ATRNL1: variants seen among roughly 807,000 people sequenced by gnomAD.
ATRNL1 encodes attractin-like protein 1.
ATRNL1 carries 95 observed loss-of-function variants against 182.7 expected under a neutral mutation model. The ratio of observed to expected loss-of-function variants is 0.52; its 90% confidence interval spans 0.44 to 0.62. ATRNL1 has a LOEUF of 0.62. ATRNL1 is among the 20% of genes least tolerant of loss of function. The probability of loss-of-function intolerance (pLI) is 0.00; values close to 1 mark genes in which losing one functional copy is unlikely to be tolerated. For missense variants in ATRNL1, 1,471 were observed against 1,679.5 expected, an observed-to-expected ratio of 0.88 and a Z score of 2.17; for synonymous variants, 576 against 568.3, an observed-to-expected ratio of 1.01 and a Z score of -0.19.
chr10:115,925,440 C>T (rs1180057210), intron 28 of ATRNL1, among the ~76,000 whole-genome samples: 1 of 151,988 alleles, frequency 6.6e-6, no homozygotes, highest in Non-Finnish European at 1.5e-5. Flanking sequence ...GGGCTAAATG[C>T]CCCAATTAAA....
At chr10:115,420,342 G>C (rs1298260734) in intron 20 of ATRNL1, among the ~76,000 whole-genome samples, 2 of 151,986 alleles carry the variant, frequency 1.3e-5, no homozygotes, top group African/African-American at 4.8e-5. Context: ...TGGCGGCCTG[G>C]CCTCAAATTT....
rs782699677 is a variant in ATRNL1, at chr10:115,493,394, G to A, written c.3654+24065G>A. Among the ~76,000 whole-genome samples, 24 of 152,110 alleles carry A rather than the reference G, an allele frequency of 1.6e-4. No homozygotes were observed. In the Middle Eastern group the frequency reaches 0.017, roughly 108 times the overall value. On this transcript the variant is annotated intron_variant, in intron 24 of 28. Coordinates refer to ENST00000355044, the MANE Select transcript of ATRNL1 (RefSeq NM_207303.4). The stretch of plus-strand genomic sequence containing the variant: ...TGGTTTTCTGCTCCTGCATTATTTC[G>A]CTTAGGATATTGACCTTCAGCTCCA...
intron 25 of ATRNL1, among the ~76,000 whole-genome samples, chr10:115,532,218 G>A (rs1476392764): frequency 6.6e-6 from 1 of 152,084 alleles, no homozygotes; most frequent in Non-Finnish European, 1.5e-5. Context: ...CTTACCTTGG[G>A]CAGTATGGCC....
chr10:115,829,085 A>T, intron 27 of ATRNL1, among the ~76,000 whole-genome samples: 1 of 152,142 alleles, frequency 6.6e-6, no homozygotes, highest in South Asian at 2.1e-4. Context: ...CCCTCCATAA[A>T]TATCACATGA....
chr10:115,681,830 A>T (rs1555044830), intron 26 of ATRNL1, among the ~76,000 whole-genome samples: 1 of 152,154 alleles, frequency 6.6e-6, no homozygotes. Context: ...TCTTTTTGAG[A>T]ACCACTGCTC....
chr10:115,861,732 T>C (rs1951321236), intron 28 of ATRNL1, among the ~76,000 whole-genome samples: 2 of 152,202 alleles, frequency 1.3e-5, no homozygotes, highest in Admixed American at 1.3e-4. Context: ...TTTTTCCAGA[T>C]ATAAAAATAT....
intron 25 of ATRNL1, among the ~76,000 whole-genome samples, chr10:115,532,440 G>A (rs1183642995): frequency 1.3e-5 from 2 of 152,162 alleles, no homozygotes; most frequent in East Asian, 1.9e-4. Flanking sequence ...TGTTATTAGT[G>A]TATAAGAATG....
At chr10:115,582,587 GGTTT>G (rs1293492210) in intron 26 of ATRNL1, among the ~76,000 whole-genome samples, 1 of 132,106 alleles carries the variant, frequency 7.6e-6, no homozygotes, top group African/African-American at 2.6e-5. Context: ...CTTTTTGATG[GGTTT>G]GTTTGTTTTT....
intron 27 of ATRNL1, among the ~76,000 whole-genome samples, chr10:115,771,888 A>G (rs1949002233): frequency 6.6e-6 from 1 of 152,210 alleles, no homozygotes; most frequent in African/African-American, 2.4e-5. Flanking sequence ...AACAAGAACA[A>G]TCTTGGGGGA....
intron 8 of ATRNL1, among the ~76,000 whole-genome samples, chr10:115,188,255 A>T (rs533218679): frequency 6.6e-6 from 1 of 152,236 alleles, no homozygotes; most frequent in African/African-American, 2.4e-5. Context: ...AAGTAGATAA[A>T]TGTTTTTTCA....
Position 115,837,466 on chromosome 10 carries a change from CCACACACACACACACACACACACACA to C in ATRNL1, c.3904-10375_3904-10350del, listed in dbSNP as rs71010052. 4.1e-4 allele frequency among the ~76,000 whole-genome samples: 56 copies of C among 135,052 alleles called. 1 individual carries two copies. The highest frequency in any genetic ancestry group is 3.6e-3 in the Middle Eastern group (1 of 274). 88.6% of individuals were successfully genotyped at this position (135,052 alleles called of 152,430 possible). A position where few individuals can be genotyped will look rare whatever the true frequency, so the allele number is the denominator to read the frequency against. On this transcript the variant is annotated intron_variant, in intron 27 of 28. Coordinates refer to ENST00000355044, the MANE Select transcript of ATRNL1 (RefSeq NM_207303.4). ...CTAGTAAGCAAAGAGGCTTCCCAAGCCACACACACACACACACACACACACACACACACACACACACACACACACAC... is the reference window on the plus strand; with the variant it reads ...CTAGTAAGCAAAGAGGCTTCCCAAGCCACACACACACACACACACACACAC...
intron 5 of ATRNL1, among the ~76,000 whole-genome samples, chr10:115,142,304 A>G (rs1845784554): frequency 6.6e-6 from 1 of 152,232 alleles, no homozygotes; most frequent in Non-Finnish European, 1.5e-5. Flanking sequence ...GGGGAAGAAC[A>G]TTCTAGGCAG....
intron 24 of ATRNL1, among the ~76,000 whole-genome samples, chr10:115,482,572 G>A (rs1317970398): frequency 6.6e-6 from 1 of 150,834 alleles, no homozygotes; most frequent in Non-Finnish European, 1.5e-5. Context: ...AATTAATTAT[G>A]TAGTAATGAA....
chr10:115,147,187 A>C (rs1233223578), intron 5 of ATRNL1, among the ~76,000 whole-genome samples: 2 of 151,924 alleles, frequency 1.3e-5, no homozygotes, highest in African/African-American at 4.8e-5. Flanking sequence ...ATGATATCTC[A>C]TTGTGGTTTT....
intron 28 of ATRNL1, among the ~76,000 whole-genome samples, chr10:115,862,914 A>G (rs1555103804): frequency 6.6e-6 from 1 of 152,246 alleles, no homozygotes; most frequent in African/African-American, 2.4e-5. Flanking sequence ...AATTATTTCC[A>G]AAATATATTA....
intron 26 of ATRNL1, among the ~76,000 whole-genome samples, chr10:115,606,389 T>C (rs2133954368): frequency 6.6e-6 from 1 of 152,138 alleles, no homozygotes; most frequent in East Asian, 1.9e-4. Flanking sequence ...CAGTCAAAAA[T>C]GTTCATTAAG....
intron 19 of ATRNL1, among the ~76,000 whole-genome samples, chr10:115,371,803 G>T (rs1592545161): frequency 6.6e-6 from 1 of 152,158 alleles, no homozygotes; most frequent in African/African-American, 2.4e-5. Context: ...CATTTGATTT[G>T]GTAGGGGCCA....
At chr10:115,248,279 T>C (rs1329814624) in intron 10 of ATRNL1, among the ~76,000 whole-genome samples, 1 of 152,084 alleles carries the variant, frequency 6.6e-6, no homozygotes, top group Non-Finnish European at 1.5e-5. Context: ...CACTATATAC[T>C]CCATTAATAT....
chr10:115,185,840 G>A (rs1847918473), intron 8 of ATRNL1, among the ~76,000 whole-genome samples: 1 of 152,002 alleles, frequency 6.6e-6, no homozygotes, highest in Non-Finnish European at 1.5e-5. Context: ...AAACTAAGGG[G>A]AATTGGACAC....
Sources: allele counts gnomAD v4.1 joint callset (sites outside exome capture counted in the v4.1 genomes callset), GRCh38; gene constraint gnomAD v4.1.1; transcripts MANE v1.5; gene names NCBI Gene and HGNC (gene_info 2026-07-23, HGNC 2026-07-21).